SRGAP1: variants seen among roughly 807,000 people sequenced by gnomAD.
SRGAP1 encodes the protein SLIT-ROBO Rho GTPase activating protein 1, also known as SLIT-ROBO Rho GTPase-activating protein 1.
In SRGAP1, 43 loss-of-function variants were observed where a neutral mutation model predicts 121.9. That is an observed-to-expected ratio of 0.35 (90% CI 0.28 to 0.46). SRGAP1 has a LOEUF of 0.46. SRGAP1 is among the 20% of genes least tolerant of loss of function. The pLI, the probability that SRGAP1 is intolerant of heterozygous loss-of-function variation, is 1.00. For missense variants in SRGAP1, 1,102 were observed against 1,350.9 expected, an observed-to-expected ratio of 0.82 and a Z score of 2.89; for synonymous variants, 447 against 485.4, an observed-to-expected ratio of 0.92 and a Z score of 1.04.
chr12:63,941,586 T>C (rs2031870039), intron 1 of SRGAP1, among the ~76,000 whole-genome samples: 2 of 151,514 alleles, frequency 1.3e-5, no homozygotes, highest in Admixed American at 1.3e-4. Flanking sequence ...CTCTTAACAG[T>C]AAAATGTGTG....
chr12:63,923,348 C>T (rs1160783382), intron 1 of SRGAP1, among the ~76,000 whole-genome samples: 2 of 152,156 alleles, frequency 1.3e-5, no homozygotes, highest in East Asian at 3.9e-4. Flanking sequence ...GCCGTACTTA[C>T]AACATCTTTT....
intron 4 of SRGAP1, among the ~76,000 whole-genome samples, chr12:64,025,114 C>T (rs1421684629): frequency 6.7e-6 from 1 of 149,158 alleles, no homozygotes; most frequent in Admixed American, 6.7e-5. Context: ...CTGGCCTTTA[C>T]GTATCTTTGA....
intron 2 of SRGAP1, among the ~76,000 whole-genome samples, chr12:63,984,581 C>T (rs914845552): frequency 5.9e-5 from 9 of 152,044 alleles, no homozygotes; most frequent in Admixed American, 6.6e-5. Flanking sequence ...TGTTTATGGT[C>T]ATTGTAATTG....
chr12:64,034,268 C>G (rs2034850081), intron 4 of SRGAP1, among the ~76,000 whole-genome samples: 1 of 152,062 alleles, frequency 6.6e-6, no homozygotes, highest in African/African-American at 2.4e-5. Flanking sequence ...AGCACCTCCC[C>G]CTTTGCCCTC....
chr12:63,873,972 C>T (rs1217889270), intron 1 of SRGAP1, among the ~76,000 whole-genome samples: 2 of 151,462 alleles, frequency 1.3e-5, no homozygotes, highest in African/African-American at 4.9e-5. Context: ...GTGGAGGTTG[C>T]AGTGAACTGA....
At chr12:63,953,245 A>G (rs527495323) in intron 1 of SRGAP1, among the ~76,000 whole-genome samples, 49 of 152,186 alleles carry the variant, frequency 3.2e-4, no homozygotes, top group Non-Finnish European at 6.0e-4. Flanking sequence ...GGGAGACAGA[A>G]GGTAAACCAT....
chr12:63,964,140 A>T (rs2032719719), intron 1 of SRGAP1, among the ~76,000 whole-genome samples: 1 of 152,156 alleles, frequency 6.6e-6, no homozygotes, highest in African/African-American at 2.4e-5. Context: ...GCAAATTCTT[A>T]GTCTCTTTTT....
Position 64,162,008 on chromosome 12 carries a change from A to C in SRGAP1, c.*19336A>C, listed in dbSNP as rs1399276488. The C allele has an allele frequency of 6.6e-6, 1 of 152,198 alleles. No individual in the cohort carries two copies. The highest frequency in any genetic ancestry group is 1.5e-5 in the Non-Finnish European group (1 of 68,034). 9.4% of individuals were successfully genotyped at this position (152,198 alleles called of 1,614,324 possible). On this transcript the variant is annotated 3_prime_UTR_variant, in exon 22 of 22. Transcript: ENST00000355086. ...TATTTTATCCATAAGAAATGTTCAG[A>C]ATAGGCAAATCTATAAAAATACAAA...
chr12:64,029,907 C>G (rs1196636746), intron 4 of SRGAP1, among the ~76,000 whole-genome samples: 1 of 142,980 alleles, frequency 7.0e-6, no homozygotes, highest in Non-Finnish European at 1.6e-5. Context: ...GACTCCGTCT[C>G]AAAAAATAAA....
At chr12:63,868,074 T>TG (rs1899716043) in intron 1 of SRGAP1, among the ~76,000 whole-genome samples, 4 of 95,404 alleles carry the variant, frequency 4.2e-5, no homozygotes, top group African/African-American at 8.5e-5. Flanking sequence ...TTTTTTTTTT[T>TG]TTTTGTTTTT....
intron 1 of SRGAP1, among the ~76,000 whole-genome samples, chr12:63,873,295 C>G (rs1024081405): frequency 1.3e-5 from 2 of 151,846 alleles, no homozygotes; most frequent in Non-Finnish European, 2.9e-5. Context: ...CTTTGGGAGG[C>G]CGAGGCGGGT....
intron 7 of SRGAP1, 85 bp from the exon 8 acceptor site, chr12:64,065,033 T>C (rs1441724235): frequency 1.1e-6 from 1 of 902,470 alleles, no homozygotes. Flanking sequence ...TTGGTGTGAT[T>C]CATGCATCAT....
At chr12:64,093,088 A>T (rs950113682) in intron 12 of SRGAP1, among the ~76,000 whole-genome samples, 1 of 152,106 alleles carries the variant, frequency 6.6e-6, no homozygotes, top group African/African-American at 2.4e-5. Context: ...AATCTCCACA[A>T]TGTCACTGTG....
intron 14 of SRGAP1, among the ~76,000 whole-genome samples, chr12:64,097,009 G>A (rs2036167891): frequency 6.6e-6 from 1 of 152,078 alleles, no homozygotes; most frequent in African/African-American, 2.4e-5. Flanking sequence ...ACTTGTAAGG[G>A]ATTATTTAGT....
chr12:63,969,034 C>G (rs970884144), intron 1 of SRGAP1, among the ~76,000 whole-genome samples: 1 of 152,172 alleles, frequency 6.6e-6, no homozygotes, highest in Non-Finnish European at 1.5e-5. Context: ...TACTGTGGGT[C>G]GGTGTGGAAA....
intron 1 of SRGAP1, among the ~76,000 whole-genome samples, chr12:63,906,799 A>C (rs1385812792): frequency 6.6e-6 from 1 of 152,098 alleles, no homozygotes; most frequent in Non-Finnish European, 1.5e-5. Context: ...TTCAAATTTG[A>C]GAAATACTGT....
rs1020524332 is a variant in SRGAP1 at position 64,087,117 on chromosome 12, G to A, written c.1436+91G>A. The A allele has an allele frequency of 7.9e-6, 8 of 1,009,270 alleles. No individual in the cohort carries two copies. In the African/African-American group the frequency reaches 8.2e-5, roughly 10 times the overall value. 62.5% of individuals were successfully genotyped at this position (1,009,270 alleles called of 1,614,324 possible). A position where few individuals can be genotyped will look rare whatever the true frequency, so the allele number is the denominator to read the frequency against. ...TCAATGCTGAAAGAATTAACATTTT[G>A]TTAATGAATACGGGAGATAGTTTTG... On this transcript the variant is annotated intron_variant, in intron 11 of 21. Coordinates refer to ENST00000355086, the MANE Select transcript of SRGAP1 (RefSeq NM_020762.4).
intron 17 of SRGAP1, among the ~76,000 whole-genome samples, chr12:64,114,274 A>G (rs1565686635): frequency 6.6e-6 from 1 of 150,728 alleles, no homozygotes; most frequent in African/African-American, 2.4e-5. Flanking sequence ...GCTGAGATAC[A>G]TGATTTTATT....
intron 4 of SRGAP1, among the ~76,000 whole-genome samples, chr12:64,021,690 A>G (rs1169633423): frequency 6.6e-6 from 1 of 152,210 alleles, no homozygotes; most frequent in Non-Finnish European, 1.5e-5. Context: ...CAACACAGAG[A>G]ACATAAGCAA....
Sources: gnomAD v4.1 joint callset for allele counts (sites outside exome capture counted in the v4.1 genomes callset) on GRCh38, gnomAD v4.1.1 for gene constraint, MANE v1.5 for transcripts, NCBI Gene and HGNC (gene_info 2026-07-23, HGNC 2026-07-21) for gene names.